The following SPIDR variants were observed in gnomAD, a reference collection of about 807,000 sequenced individuals.
SPIDR encodes scaffold protein involved in DNA repair, also known as DNA repair-scaffolding protein.
Under a neutral mutation model 104.6 loss-of-function variants are expected in SPIDR, and 93 were observed. That is an observed-to-expected ratio of 0.89 (90% CI 0.75 to 1.06). The LOEUF (loss-of-function observed/expected upper bound fraction) is 1.06, where lower values mean the gene tolerates loss of function less well. Ranked by LOEUF, SPIDR falls within the 50% of genes least tolerant of loss-of-function variation. The probability of loss-of-function intolerance (pLI) is 0.00; values close to 1 mark genes in which losing one functional copy is unlikely to be tolerated. For synonymous variants in SPIDR, 431 were observed against 416.9 expected (o/e 1.03, Z -0.41); for missense variants, 1,154 against 1,111.2 (o/e 1.04, Z -0.55).
At chr8:47,383,567 G>A (rs976620986) in intron 5 of SPIDR, among the ~76,000 whole-genome samples, 12 of 152,148 alleles carry the variant, frequency 7.9e-5, no homozygotes, top group African/African-American at 2.9e-4. Context: ...CTGACCCCCA[G>A]ACTCCAGTGT....
At chr8:47,559,830 TTC>T (rs976691105) in intron 8 of SPIDR, among the ~76,000 whole-genome samples, 1 of 152,248 alleles carries the variant, frequency 6.6e-6, no homozygotes, top group Admixed American at 6.5e-5. Context: ...AATCCAAGTT[TTC>T]TCTTTCTGAG....
chr8:47,271,045 G>A (rs2035212385), intron 1 of SPIDR, among the ~76,000 whole-genome samples: 1 of 151,918 alleles, frequency 6.6e-6, no homozygotes, highest in African/African-American at 2.4e-5. Context: ...AGGGTAGGGG[G>A]GTGTCTTCAT....
intron 5 of SPIDR, among the ~76,000 whole-genome samples, chr8:47,326,738 AC>A (rs1402768350): frequency 6.6e-6 from 1 of 152,230 alleles, no homozygotes; most frequent in Non-Finnish European, 1.5e-5. Flanking sequence ...TGGCTTCTTA[AC>A]AAAATGTTTT....
intron 8 of SPIDR, among the ~76,000 whole-genome samples, chr8:47,494,736 TGA>T (rs1586672795): frequency 6.6e-6 from 1 of 152,152 alleles, no homozygotes; most frequent in Non-Finnish European, 1.5e-5. Context: ...TATTAGGATG[TGA>T]GATTGAGACC....
chr8:47,313,428 G>A (rs1554587032), intron 5 of SPIDR, among the ~76,000 whole-genome samples: 2 of 152,134 alleles, frequency 1.3e-5, no homozygotes, highest in Non-Finnish European at 2.9e-5. Flanking sequence ...CAAACAAATG[G>A]AAGAACATTC....
At chr8:47,566,252 C>G (rs925949596) in intron 8 of SPIDR, among the ~76,000 whole-genome samples, 1 of 151,432 alleles carries the variant, frequency 6.6e-6, no homozygotes, top group Non-Finnish European at 1.5e-5. Context: ...GTGATCTGCC[C>G]GCCTCAGCCT....
intron 5 of SPIDR, among the ~76,000 whole-genome samples, chr8:47,361,646 C>T (rs2055982211): frequency 6.6e-6 from 1 of 152,222 alleles, no homozygotes; most frequent in Admixed American, 6.5e-5. Flanking sequence ...GGTGGGGCTC[C>T]ACCCTCCTTG....
At chr8:47,282,182 A>G (rs1220264070) in intron 2 of SPIDR, among the ~76,000 whole-genome samples, 1 of 152,258 alleles carries the variant, frequency 6.6e-6, no homozygotes, top group Non-Finnish European at 1.5e-5. Context: ...TATAGAGCAC[A>G]GGCAGAGTAG....
intron 8 of SPIDR, among the ~76,000 whole-genome samples, chr8:47,529,240 TACCCCATC>T (rs2085518841): frequency 6.6e-6 from 1 of 151,856 alleles, no homozygotes; most frequent in South Asian, 2.1e-4. Context: ...GTGATGGTGA[TACCCCATC>T]TCTACTAAAA....
chr8:47,419,651 C>G (rs1414156912), intron 7 of SPIDR, among the ~76,000 whole-genome samples: 1 of 151,984 alleles, frequency 6.6e-6, no homozygotes, highest in East Asian at 1.9e-4. Flanking sequence ...TATTTCTTGC[C>G]TTCTGCTAGC....
chr8:47,328,133 A>C (rs960106236), intron 5 of SPIDR, among the ~76,000 whole-genome samples: 2 of 152,006 alleles, frequency 1.3e-5, no homozygotes, highest in Non-Finnish European at 2.9e-5. Flanking sequence ...TATCTAAGAA[A>C]CAATTGCCAA....
chr8:47,451,522 A>G (rs983699943), intron 8 of SPIDR, among the ~76,000 whole-genome samples: 21 of 152,148 alleles, frequency 1.4e-4, no homozygotes, highest in African/African-American at 5.1e-4. Context: ...CGCAGGTTGC[A>G]GTGAGTTGAG....
At chr8:47,574,830 C>T (rs999006616) in intron 8 of SPIDR, among the ~76,000 whole-genome samples, 9 of 152,010 alleles carry the variant, frequency 5.9e-5, no homozygotes, top group Non-Finnish European at 1.3e-4. Flanking sequence ...TCAAGGCAAT[C>T]TGTATTATGG....
chr8:47,511,264 G>A, intron 8 of SPIDR: 1 of 1,566,748 alleles, frequency 6.4e-7, no homozygotes, highest in Non-Finnish European at 8.8e-7. Flanking sequence ...GTTTGTGGTA[G>A]TCTCTGATTC....
intron 11 of SPIDR, among the ~76,000 whole-genome samples, chr8:47,688,153 G>A (rs191834280): frequency 3.6e-4 from 54 of 151,542 alleles, no homozygotes; most frequent in African/African-American, 1.2e-3. Flanking sequence ...TTTTTGAGAC[G>A]GAGTCTCTCT....
chr8:47,384,269 G>A (rs1554646963), intron 5 of SPIDR, among the ~76,000 whole-genome samples: 1 of 152,130 alleles, frequency 6.6e-6, no homozygotes. Context: ...CTTTGTTCTT[G>A]TGTAGTTGTA....
chr8:47,405,666 G>A (rs1192952529), intron 6 of SPIDR, among the ~76,000 whole-genome samples: 4 of 152,146 alleles, frequency 2.6e-5, no homozygotes, highest in African/African-American at 9.7e-5. Flanking sequence ...CTTGCTGAGT[G>A]AATTCATCAT....
chr8:47,461,722 C>T (rs2073969262), intron 8 of SPIDR, among the ~76,000 whole-genome samples: 1 of 151,954 alleles, frequency 6.6e-6, no homozygotes, highest in Non-Finnish European at 1.5e-5. Flanking sequence ...ATTGCTGAGA[C>T]TTCCCAGAAC....
intron 8 of SPIDR, among the ~76,000 whole-genome samples, chr8:47,495,786 T>C (rs2079356972): frequency 6.6e-6 from 1 of 152,188 alleles, no homozygotes; most frequent in Non-Finnish European, 1.5e-5. Flanking sequence ...TTTTTGAAAA[T>C]ATAACTTTCT....
Sources: allele counts gnomAD v4.1 joint callset (sites outside exome capture counted in the v4.1 genomes callset), GRCh38; gene constraint gnomAD v4.1.1; transcripts MANE v1.5; gene names NCBI Gene and HGNC (gene_info 2026-07-23, HGNC 2026-07-21).